CHST15: variants seen among roughly 807,000 people sequenced by gnomAD.
The protein encoded by CHST15 is B cell RAG associated protein (GALNAC4S-6ST).
CHST15 carries 30 observed loss-of-function variants against 53.6 expected under a neutral mutation model. That is an observed-to-expected ratio of 0.56 (90% CI 0.42 to 0.76). The LOEUF (loss-of-function observed/expected upper bound fraction) is 0.76, where lower values mean the gene tolerates loss of function less well. CHST15 is among the 30% of genes least tolerant of loss of function. The probability of loss-of-function intolerance (pLI) is 0.00; values close to 1 mark genes in which losing one functional copy is unlikely to be tolerated. For synonymous variants in CHST15, 296 were observed against 289.8 expected (o/e 1.02, Z -0.22); for missense variants, 627 against 740.5 (o/e 0.85, Z 1.78).
intron 5 of CHST15, among the ~76,000 whole-genome samples, chr10:124,031,679 TA>T (rs756857322): frequency 2.6e-5 from 4 of 152,210 alleles, no homozygotes; most frequent in Non-Finnish European, 5.9e-5. Flanking sequence ...TTATTAGTAA[TA>T]ACTGATACCT....
chr10:124,058,327 T>C (rs1286042759), intron 1 of CHST15, among the ~76,000 whole-genome samples: 1 of 152,218 alleles, frequency 6.6e-6, no homozygotes, highest in East Asian at 1.9e-4. Context: ...AAATGCCTGA[T>C]AGTCCAGTGT....
chr10:124,058,473 C>A (rs957041294), intron 1 of CHST15, among the ~76,000 whole-genome samples: 1 of 152,208 alleles, frequency 6.6e-6, no homozygotes, highest in Non-Finnish European at 1.5e-5. Context: ...ACAGGACTCA[C>A]CAGTGGTGGG....
chr10:124,057,734 C>A (rs566363443), intron 1 of CHST15, among the ~76,000 whole-genome samples: 16 of 152,288 alleles, frequency 1.1e-4, no homozygotes, highest in African/African-American at 3.8e-4. Flanking sequence ...AGCAGTGATT[C>A]AGTGAACCAG....
chr10:124,076,315 C>G (rs1488364968), intron 1 of CHST15, among the ~76,000 whole-genome samples: 4 of 152,218 alleles, frequency 2.6e-5, no homozygotes, highest in African/African-American at 9.6e-5. Flanking sequence ...TGGTCCTTGT[C>G]CCTGTCTGTT....
chr10:124,074,239 C>T lies in CHST15; in HGVS notation c.-513+19230G>A, dbSNP rs28607366. ...CCCCCCGGCTGGGAAAGACACCGAA[C>T]CCTTGCACTGATGCCATTAGACAGT... On this transcript the variant is annotated intron_variant, in intron 1 of 7. Transcript: ENST00000435907. This position sits in a 1 kb window ranked among gnomAD's most constrained non-coding sequence, Gnocchi z 4.4. 0.74 allele frequency among the ~76,000 whole-genome samples: 112,627 copies of T among 152,082 alleles called. 42,988 individuals are homozygous for T. The highest frequency in any genetic ancestry group is 0.94 in the African/African-American group (38,947 of 41,524).
intron 5 of CHST15, among the ~76,000 whole-genome samples, chr10:124,037,279 C>T (rs1174051067): frequency 1.3e-5 from 2 of 152,124 alleles, no homozygotes; most frequent in African/African-American, 2.4e-5. Context: ...CAATTCAATC[C>T]ATAAGAAGAT....
chr10:124,010,422 T>G (rs1946379850), intron 7 of CHST15, 83 bp from the exon 8 acceptor site: 1 of 1,450,678 alleles, frequency 6.9e-7, no homozygotes, highest in African/African-American at 1.4e-5. Flanking sequence ...CAGCTATGCT[T>G]CGTATTCAGA....
At chr10:124,044,154 A>ACAGCACAGAGCTTGGGAG (rs796234018) in intron 3 of CHST15, among the ~76,000 whole-genome samples, 13 of 149,410 alleles carry the variant, frequency 8.7e-5, no homozygotes, top group South Asian at 2.1e-4. Context: ...AGAGCAGGAA[A>ACAGCACAGAGCTTGGGAG]CGGCACAGAG....
Position 124,009,868 on chromosome 10 carries a change from G to T in CHST15, c.*281C>A. ...TCTCCACACCCAGTGCAGGCCAGCT[G>T]GCTGCATCCCCAAGCTCCAGGACGC... On this transcript the variant is annotated 3_prime_UTR_variant, in exon 8 of 8. Transcript: ENST00000435907. 1 of 1,241,794 alleles carries T rather than the reference G, an allele frequency of 8.1e-7. No individual in the cohort carries two copies. Among genetic ancestry groups the T allele is most frequent in the Non-Finnish European group, 1.0e-6 (1 of 985,024 alleles). The allele number at this position is 1,241,794 out of a possible 1,614,324, so 76.9% of individuals were successfully genotyped here.
intron 1 of CHST15, among the ~76,000 whole-genome samples, chr10:124,058,409 G>C (rs1054604691): frequency 6.6e-6 from 1 of 152,198 alleles, no homozygotes; most frequent in Non-Finnish European, 1.5e-5. Context: ...GAGATTCCCC[G>C]AGTCATGTAT....
rs377267158 is a variant in CHST15, at chr10:124,044,665, T to C, written c.801A>G (p.Thr267=). The C allele has an allele frequency of 5.6e-6, 9 of 1,612,826 alleles. No individual in the cohort carries two copies. Among genetic ancestry groups the C allele is most frequent in the African/African-American group, 4.0e-5 (3 of 74,868 alleles). The change falls in exon 3 of 8, where the codon ACA becomes ACG. Residue 267 remains threonine, a synonymous_variant. Transcript: ENST00000435907. The stretch of plus-strand genomic sequence containing the variant: ...GCAGCCGCAGGCGGTCATAGAGGTC[T>C]GTGGTCCCGCACTTGGGCTGCCCTA... ...YIIGQPKCGT[T]DLYDRLRLHP...
At chr10:124,016,593 G>C (rs1241983814) in intron 6 of CHST15, among the ~76,000 whole-genome samples, 1 of 152,160 alleles carries the variant, frequency 6.6e-6, no homozygotes, top group Non-Finnish European at 1.5e-5. Context: ...AAAACCCTTT[G>C]CTTTTAGGAG....
chr10:124,021,248 GTACACACAGGCAT>G lies in CHST15; in HGVS notation c.1342_1347+7del. On this transcript the variant is annotated splice_donor_variant and splice_donor_5th_base_variant and coding_sequence_variant and intron_variant, in exon 6 of 8. Transcript: ENST00000435907. LOFTEE classifies it high-confidence loss of function. ...AGCTCGGGGGGTACGGGGGGGGGGG[GTACACACAGGCAT>G]GGCGTTGTTGAGGGTGTTGTTGTAG... 8.1e-7 allele frequency: 1 copy of G among 1,233,514 alleles called. No homozygotes were observed. The highest frequency in any genetic ancestry group is 1.2e-6 in the Non-Finnish European group (1 of 857,852). 76.4% of individuals were successfully genotyped at this position (1,233,514 alleles called of 1,614,324 possible). A position where few individuals can be genotyped will look rare whatever the true frequency, so the allele number is the denominator to read the frequency against.
rs1946321006 is a variant in CHST15, at chr10:124,008,248, A to T, written c.*1901T>A. The T allele has an allele frequency of 8.3e-7, 1 of 1,207,360 alleles. No homozygotes were observed. The highest frequency in any genetic ancestry group is 1.6e-5 in the African/African-American group (1 of 63,986). The allele number at this position is 1,207,360 out of a possible 1,614,324, so 74.8% of individuals were successfully genotyped here. On this transcript the variant is annotated 3_prime_UTR_variant, in exon 8 of 8. Transcript: ENST00000435907. ...GAAAATGACAAGTTAATTGGCAGAG[A>T]AATTAATCTATAAAAGGGTTGTGTC...
chr10:124,015,904 C>T (rs969307732), intron 6 of CHST15, among the ~76,000 whole-genome samples: 4 of 152,212 alleles, frequency 2.6e-5, no homozygotes, highest in African/African-American at 4.8e-5. Flanking sequence ...CCAGAGGGCA[C>T]GAAGGAGGGA....
At chr10:124,012,722 C>T (rs1426702584) in intron 6 of CHST15, among the ~76,000 whole-genome samples, 4 of 152,198 alleles carry the variant, frequency 2.6e-5, no homozygotes, top group Admixed American at 1.3e-4. Flanking sequence ...GTGGGTAGCG[C>T]CATGCCTCCA....
At chr10:124,081,381 CACACACACACGCGT>C (rs1949232022) in intron 1 of CHST15, among the ~76,000 whole-genome samples, 1 of 148,694 alleles carries the variant, frequency 6.7e-6, no homozygotes, top group African/African-American at 2.4e-5. Context: ...TGCACGCATG[CACACACACACGCGT>C]GCACACACAC....
chr10:124,019,987 T>C lies in CHST15; in HGVS notation c.1347+1269A>G. The C allele has an allele frequency of 3.0e-6, 3 of 985,652 alleles. No individual in the cohort carries two copies. Among genetic ancestry groups the C allele is most frequent in the Non-Finnish European group, 3.6e-6 (3 of 830,120 alleles). The allele number at this position is 985,652 out of a possible 1,614,324, so 61.1% of individuals were successfully genotyped here. On this transcript the variant is annotated intron_variant, in intron 6 of 7. Coordinates refer to ENST00000435907, the MANE Select transcript of CHST15 (RefSeq NM_001270764.2). The surrounding 1 kb of genome is among the most constrained non-coding windows in gnomAD (Gnocchi z 4.6). The stretch of plus-strand genomic sequence containing the variant: ...CAGGCCTCAGCACAGACATTCCCTC[T>C]CCTAAGAACCTGCCTGAAGCCCCGT...
In CHST15 at chr10:124,042,301, C is replaced by T. The variant is rs1386161063; in HGVS notation, c.1033G>A (p.Gly345Arg). Residue 345 changes from glycine (G) to arginine (R), a missense_variant and splice_region_variant, in exon 4 of 8, where the codon GGG becomes AGG. By Grantham distance (125) the Gly-to-Arg change is moderately radical. This residue lies in a region of CHST15 where 279 missense variants were observed against 371.6 expected (regional missense o/e 0.75). Coordinates refer to ENST00000435907, the MANE Select transcript of CHST15 (RefSeq NM_001270764.2). ...TGCCAGAGTGACACAGACGCCTTAC[C>T]GATAATGATTGTATTCATCTTGCTC... ...EQSKMNTIII[G>R]EASASTMWDN... is the part of the protein sequence containing the mutation. 6.2e-7 allele frequency: 1 copy of T among 1,607,996 alleles called. No homozygotes were observed. Among genetic ancestry groups the T allele is most frequent in the Non-Finnish European group, 8.5e-7 (1 of 1,174,854 alleles).
Sources: allele counts gnomAD v4.1 joint callset (sites outside exome capture counted in the v4.1 genomes callset), GRCh38; gene constraint gnomAD v4.1.1; regional missense constraint gnomAD v4.1.1; non-coding constraint Gnocchi (gnomAD v3.1); transcripts MANE v1.5; gene names NCBI Gene and HGNC (gene_info 2026-07-23, HGNC 2026-07-21).